ZCCHC7: variants seen among roughly 807,000 people sequenced by gnomAD.
ZCCHC7 encodes zinc finger CCHC-type containing 7, also known as zinc finger CCHC domain-containing protein 7.
Under a neutral mutation model 52.0 loss-of-function variants are expected in ZCCHC7, and 35 were observed. The observed-to-expected ratio is 0.67, with a 90% CI of 0.51 to 0.89. The LOEUF is 0.89. Among genes scored for constraint, ZCCHC7 ranks in the 40% least tolerant of loss-of-function variants. The probability of loss-of-function intolerance (pLI) is 0.00; values close to 1 mark genes in which losing one functional copy is unlikely to be tolerated. For missense variants in ZCCHC7, 574 were observed against 649.1 expected, an observed-to-expected ratio of 0.88 and a Z score of 1.26; for synonymous variants, 217 against 221.5, an observed-to-expected ratio of 0.98 and a Z score of 0.18.
chr9:37,156,854 T>A (rs1188069842), intron 2 of ZCCHC7, among the ~76,000 whole-genome samples: 3 of 152,146 alleles, frequency 2.0e-5, no homozygotes, highest in African/African-American at 7.2e-5. Flanking sequence ...TGTTCTTATG[T>A]TAAAACATTC....
chr9:37,235,539 CT>C lies in ZCCHC7; in HGVS notation c.611-66648del, dbSNP rs1301784294. On this transcript the variant is annotated intron_variant, in intron 2 of 8. Transcript: ENST00000336755. ...CCTCTCCCCTCCCTTCCCCTCCCCCCTCCCCTCCCCTCCCCTCCCCTCCCTT... is the reference window on the plus strand; with the variant it reads ...CCTCTCCCCTCCCTTCCCCTCCCCCCCCCCTCCCCTCCCCTCCCCTCCCTT... 3.6e-5 allele frequency among the ~76,000 whole-genome samples: 3 copies of C among 83,290 alleles called. No individual in the cohort carries two copies. The Admixed American group carries it at 4.1e-4, about 11-fold the overall frequency. 54.6% of individuals were successfully genotyped at this position (83,290 alleles called of 152,430 possible).
At chr9:37,210,207 A>T (rs552870639) in intron 2 of ZCCHC7, among the ~76,000 whole-genome samples, 2 of 152,090 alleles carry the variant, frequency 1.3e-5, no homozygotes, top group South Asian at 4.1e-4. Flanking sequence ...TTTATCCCTG[A>T]ATGCTAAGAG....
At chr9:37,211,388 T>C (rs1216915121) in intron 2 of ZCCHC7, among the ~76,000 whole-genome samples, 3 of 152,120 alleles carry the variant, frequency 2.0e-5, no homozygotes, top group African/African-American at 7.2e-5. Flanking sequence ...TTGGTTTTGG[T>C]TTTTTAATAA....
chr9:37,180,499 G>A (rs1822291250), intron 2 of ZCCHC7, among the ~76,000 whole-genome samples: 1 of 151,692 alleles, frequency 6.6e-6, no homozygotes, highest in African/African-American at 2.4e-5. Context: ...GAAAATTGCT[G>A]TAGTTTCACA....
At chr9:37,336,868 T>G (rs189251090) in intron 6 of ZCCHC7, among the ~76,000 whole-genome samples, 1 of 152,270 alleles carries the variant, frequency 6.6e-6, no homozygotes, top group Admixed American at 6.5e-5. Flanking sequence ...CTTGTGGTCC[T>G]TCTCCATCCA....
intron 2 of ZCCHC7, chr9:37,284,433 T>A (rs557186045): frequency 6.6e-6 from 1 of 152,348 alleles, no homozygotes; most frequent in Admixed American, 6.5e-5. Context: ...CCAGTCCTAA[T>A]TACATTTGAT....
rs1664577883 is a variant in ZCCHC7, at chr9:37,351,296, G to T, written c.1083+1844G>T. Reference sequence around the variant, plus strand: ...ATTTCTTTATCTCCAAAGCAGAGAAGTTGTACAGGAAATCTCTCAGCACCA... The same window carrying T: ...ATTTCTTTATCTCCAAAGCAGAGAATTTGTACAGGAAATCTCTCAGCACCA... On this transcript the variant is annotated intron_variant, in intron 7 of 8. Coordinates refer to ENST00000336755, the MANE Select transcript of ZCCHC7 (RefSeq NM_032226.3). Among the ~76,000 whole-genome samples the T allele has an allele frequency of 3.9e-5, 6 of 152,072 alleles. No individual in the cohort carries two copies. The South Asian group carries it at 1.2e-3, about 32-fold the overall frequency.
At chr9:37,139,334 ATGT>A (rs1355706147) in intron 2 of ZCCHC7, among the ~76,000 whole-genome samples, 1 of 152,060 alleles carries the variant, frequency 6.6e-6, no homozygotes, top group Non-Finnish European at 1.5e-5. Context: ...GGCATCCACC[ATGT>A]ATTATGTCAC....
At chr9:37,122,183 CTG>C (rs1180828338) in intron 1 of ZCCHC7, among the ~76,000 whole-genome samples, 1 of 152,152 alleles carries the variant, frequency 6.6e-6, no homozygotes, top group African/African-American at 2.4e-5. Flanking sequence ...AGTAGGTAGA[CTG>C]TGAGAGCAGA....
At chr9:37,348,347 GTTCTTTCTTTCTTTCTTTCT>G (rs58182218) in intron 6 of ZCCHC7, among the ~76,000 whole-genome samples, 3 of 135,488 alleles carry the variant, frequency 2.2e-5, no homozygotes, top group Non-Finnish European at 3.1e-5. Flanking sequence ...ATACCAGTTC[GTTCTTTCTTTCTTTCTTTCT>G]TTCTTTCTTT....
Position 37,305,615 on chromosome 9 carries a change from A to G in ZCCHC7, c.852A>G (p.Glu284=). ...ATTCCTGTCCAGCCCCCCTTTGCGAATACTGTCCTGTGCCTAAGATGTTGG... is the reference window on the plus strand; with the variant it reads ...ATTCCTGTCCAGCCCCCCTTTGCGAGTACTGTCCTGTGCCTAAGATGTTGG... ...LLYSCPAPLC[E]YCPVPKMLDH... The change falls in exon 5 of 9, where the codon GAA becomes GAG. Residue 284 remains glutamate, a synonymous_variant. Coordinates refer to ENST00000336755, the MANE Select transcript of ZCCHC7 (RefSeq NM_032226.3). 6.2e-7 allele frequency: 1 copy of G among 1,614,112 alleles called. No homozygotes were observed. Among genetic ancestry groups the G allele is most frequent in the East Asian group, 2.2e-5 (1 of 44,880 alleles).
chr9:37,172,746 G>A (rs1231104707), intron 2 of ZCCHC7, among the ~76,000 whole-genome samples: 1 of 151,848 alleles, frequency 6.6e-6, no homozygotes, highest in African/African-American at 2.4e-5. Context: ...CATTCCAGTT[G>A]TTACTTGAGT....
chr9:37,146,428 C>G (rs1843438200), intron 2 of ZCCHC7, among the ~76,000 whole-genome samples: 1 of 151,850 alleles, frequency 6.6e-6, no homozygotes, highest in Non-Finnish European at 1.5e-5. Flanking sequence ...TTGAAAAGGA[C>G]TTAGATCCTC....
rs746136292 is a variant in ZCCHC7 at position 37,126,384 on chromosome 9, C to T, written c.52C>T (p.Arg18Ter). 3.7e-6 allele frequency: 6 copies of T among 1,613,846 alleles called. No individual in the cohort carries two copies. Among genetic ancestry groups the T allele is most frequent in the South Asian group, 2.2e-5 (2 of 91,070 alleles). Residue 18 changes from arginine (R) to a stop codon, truncating the protein, a stop_gained, in exon 2 of 9, where the codon CGA becomes TGA. Coordinates refer to ENST00000336755, the MANE Select transcript of ZCCHC7 (RefSeq NM_032226.3). LOFTEE classifies it high-confidence loss of function. ...AGAAGCATACGAAGATGATCTTTAT[C>T]GAGATGAGTCATCTAGTGAACTGAG... Reference protein sequence around the residue: ...TIEAYEDDLYRDESSSELSVD... With the variant: ...TIEAYEDDLY
At chr9:37,236,382 C>CTT (rs565230377) in intron 2 of ZCCHC7, among the ~76,000 whole-genome samples, 3 of 144,910 alleles carry the variant, frequency 2.1e-5, no homozygotes, top group African/African-American at 7.5e-5. Flanking sequence ...ATTTCTCTAC[C>CTT]TTTTTTTTTT....
chr9:37,199,524 G>A (rs578230497), intron 2 of ZCCHC7, among the ~76,000 whole-genome samples: 7 of 151,478 alleles, frequency 4.6e-5, no homozygotes, highest in Non-Finnish European at 8.8e-5. Flanking sequence ...CTAGACACAG[G>A]GTTTCACTAT....
intron 2 of ZCCHC7, among the ~76,000 whole-genome samples, chr9:37,204,228 T>G (rs1823786568): frequency 6.6e-6 from 1 of 152,228 alleles, no homozygotes; most frequent in African/African-American, 2.4e-5. Context: ...ATGGGTAGAT[T>G]GCAAAAATTT....
intron 2 of ZCCHC7, among the ~76,000 whole-genome samples, chr9:37,228,728 A>G (rs527447544): frequency 6.6e-6 from 1 of 152,094 alleles, no homozygotes; most frequent in African/African-American, 2.4e-5. Flanking sequence ...TTTTTATATG[A>G]ATATAAACAT....
At chr9:37,227,279 A>G (rs575824961) in intron 2 of ZCCHC7, among the ~76,000 whole-genome samples, 2 of 152,290 alleles carry the variant, frequency 1.3e-5, no homozygotes, top group Admixed American at 1.3e-4. Flanking sequence ...TGAGATGAAC[A>G]ATCCAAGTAA....
Sources: allele counts gnomAD v4.1 joint callset (sites outside exome capture counted in the v4.1 genomes callset), GRCh38; gene constraint gnomAD v4.1.1; transcripts MANE v1.5; gene names NCBI Gene and HGNC (gene_info 2026-07-23, HGNC 2026-07-21).